LDB2: variants seen among roughly 807,000 people sequenced by gnomAD.
LDB2 encodes LIM domain binding 2, also known as LIM domain-binding protein 2.
Under a neutral mutation model 44.3 loss-of-function variants are expected in LDB2, and 12 were observed. The ratio of observed to expected loss-of-function variants is 0.27; its 90% CI spans 0.17 to 0.44. The LOEUF (loss-of-function observed/expected upper bound fraction) is 0.44. Among genes scored for constraint, LDB2 ranks in the 20% least tolerant of loss-of-function variants. LDB2 has a pLI of 1.00. For missense variants in LDB2, 344 were observed against 473.5 expected (o/e 0.73, Z 2.54); for synonymous variants, 164 against 174.8 (o/e 0.94, Z 0.49).
chr4:16,606,519 A>C (rs910536938), intron 2 of LDB2, among the ~76,000 whole-genome samples: 2 of 152,236 alleles, frequency 1.3e-5, no homozygotes, highest in Non-Finnish European at 2.9e-5. Context: ...CATTTAGATC[A>C]TAAAGCATGT....
chr4:16,836,344 G>C (rs1784881344), intron 1 of LDB2, among the ~76,000 whole-genome samples: 1 of 152,184 alleles, frequency 6.6e-6, no homozygotes, highest in Non-Finnish European at 1.5e-5. Flanking sequence ...TGGATAATGG[G>C]AGAACAAACT....
intron 5 of LDB2, among the ~76,000 whole-genome samples, chr4:16,571,353 G>A (rs1372701644): frequency 6.6e-6 from 1 of 152,040 alleles, no homozygotes; most frequent in African/African-American, 2.4e-5. Context: ...AGGGATGGGA[G>A]TTATCGTGGA....
chr4:16,649,264 CA>C (rs1737610456), intron 2 of LDB2, among the ~76,000 whole-genome samples: 2 of 152,260 alleles, frequency 1.3e-5, no homozygotes, highest in South Asian at 4.1e-4. Context: ...GAAATGCTTC[CA>C]TTTCTCATGA....
At position 16,858,079 on chromosome 4, in the gene LDB2, G is replaced by A. The variant is rs569652431; in HGVS notation, c.132+40275C>T. 5.3e-4 allele frequency among the ~76,000 whole-genome samples: 80 copies of A among 152,242 alleles called. 1 individual carries two copies. The highest frequency in any genetic ancestry group is 1.8e-3 in the African/African-American group (74 of 41,546). On this transcript the variant is annotated intron_variant, in intron 1 of 7. Coordinates refer to ENST00000304523, the MANE Select transcript of LDB2 (RefSeq NM_001290.5). ...CTGATTATTTGATTATTAAAATACA[G>A]CAAGTAATGCCTGCTATATTGCTAA... is the stretch of plus-strand genomic sequence containing the variant.
intron 2 of LDB2, among the ~76,000 whole-genome samples, chr4:16,702,645 A>G (rs1753708952): frequency 6.6e-6 from 1 of 152,108 alleles, no homozygotes; most frequent in Non-Finnish European, 1.5e-5. Flanking sequence ...TATTTACTTC[A>G]TTCAGGGAAG....
intron 2 of LDB2, among the ~76,000 whole-genome samples, chr4:16,688,316 T>A: frequency 6.6e-6 from 1 of 152,174 alleles, no homozygotes; most frequent in Non-Finnish European, 1.5e-5. Flanking sequence ...GGATCCTTCA[T>A]CCCATCAAAT....
At chr4:16,719,682 G>A (rs1321959640) in intron 2 of LDB2, among the ~76,000 whole-genome samples, 1 of 152,100 alleles carries the variant, frequency 6.6e-6, no homozygotes, top group Non-Finnish European at 1.5e-5. Context: ...AGTGTTGAGA[G>A]GGTGCAGCTC....
chr4:16,697,955 T>TA (rs2152624120), intron 2 of LDB2, among the ~76,000 whole-genome samples: 1 of 152,374 alleles, frequency 6.6e-6, no homozygotes, highest in African/African-American at 2.4e-5. Context: ...TGGAACGTTG[T>TA]AGGCATTGGA....
At chr4:16,739,706 G>A (rs56291718) in intron 2 of LDB2, among the ~76,000 whole-genome samples, 485 of 46,042 alleles carry the variant, frequency 0.011, 103 homozygotes, top group African/African-American at 0.031. Context: ...ACATATATGT[G>A]TATATATGTA....
rs1338636053 is a variant in LDB2 at position 16,582,109 on chromosome 4, C to G, written c.615+3813G>C. 6.6e-6 allele frequency among the ~76,000 whole-genome samples: 1 copy of G among 151,998 alleles called. No homozygotes were observed. The highest frequency in any genetic ancestry group is 6.6e-5 in the Admixed American group (1 of 15,264). On this transcript the variant is annotated intron_variant, in intron 5 of 7. Transcript: ENST00000304523. This position sits in a 1 kb window ranked among gnomAD's most constrained non-coding sequence, Gnocchi z 4.8. ...GCAATGCCTGGCACATAGTAAGTGC[C>G]CCAGAAATGTTAGCTAGTGCTATGT... is the stretch of plus-strand genomic sequence containing the variant.
At chr4:16,862,771 G>A (rs1013792071) in intron 1 of LDB2, among the ~76,000 whole-genome samples, 2 of 151,916 alleles carry the variant, frequency 1.3e-5, no homozygotes, top group Non-Finnish European at 1.5e-5. Flanking sequence ...AGTTTCCCAC[G>A]GGAATATAAG....
At chr4:16,785,860 C>A (rs930211016) in intron 1 of LDB2, among the ~76,000 whole-genome samples, 3 of 152,084 alleles carry the variant, frequency 2.0e-5, no homozygotes, top group African/African-American at 4.8e-5. Context: ...TTTTGCTTAT[C>A]CAGAAAGGTT....
intron 7 of LDB2, among the ~76,000 whole-genome samples, chr4:16,505,283 G>T (rs1043919222): frequency 6.6e-6 from 1 of 152,054 alleles, no homozygotes; most frequent in African/African-American, 2.4e-5. Context: ...TCAAAGGGAT[G>T]CCACATATGT....
In LDB2 at chr4:16,739,640, ATATACATATGTGTG is replaced by A. The variant is rs1561055078; in HGVS notation, c.235+19504_235+19517del. On this transcript the variant is annotated intron_variant, in intron 2 of 7. Transcript: ENST00000304523. ...TATACATGTGTGTGTATATATGTATATATACATATGTGTGTATATATGTATATATACATATGTGT... is the reference window on the plus strand; with the variant it reads ...TATACATGTGTGTGTATATATGTATATATATATGTATATATACATATGTGT... 1.4e-3 allele frequency among the ~76,000 whole-genome samples: 122 copies of A among 88,882 alleles called. 33 individuals are homozygous for A. The highest frequency in any genetic ancestry group is 2.3e-3 in the Non-Finnish European group (106 of 45,480). The allele number at this position is 88,882 out of a possible 152,430, so 58.3% of individuals were successfully genotyped here.
intron 5 of LDB2, among the ~76,000 whole-genome samples, chr4:16,524,621 G>A (rs1002414591): frequency 3.9e-5 from 6 of 152,170 alleles, no homozygotes; most frequent in African/African-American, 9.7e-5. Flanking sequence ...CCATAGAGGA[G>A]CTGAGAGGCA....
chr4:16,828,250 C>A (rs1783419262), intron 1 of LDB2, among the ~76,000 whole-genome samples: 1 of 152,234 alleles, frequency 6.6e-6, no homozygotes, highest in African/African-American at 2.4e-5. Context: ...CTCGCCTCCA[C>A]CTGGTGCCCA....
intron 2 of LDB2, among the ~76,000 whole-genome samples, chr4:16,596,656 G>A (rs1368537449): frequency 6.6e-6 from 1 of 152,184 alleles, no homozygotes; most frequent in African/African-American, 2.4e-5. Context: ...TTGGAGCTGT[G>A]TAAGATCTCT....
At chr4:16,560,625 T>G (rs1284631333) in intron 5 of LDB2, among the ~76,000 whole-genome samples, 2 of 152,216 alleles carry the variant, frequency 1.3e-5, no homozygotes, top group African/African-American at 2.4e-5. Flanking sequence ...CACAGCCGAA[T>G]TCTACCAGAG....
rs1195242119 is a variant in LDB2, at chr4:16,830,162, T to C, written c.132+68192A>G. On this transcript the variant is annotated intron_variant, in intron 1 of 7. Coordinates refer to ENST00000304523, the MANE Select transcript of LDB2 (RefSeq NM_001290.5). Reference sequence around the variant, plus strand: ...AGAAAAACACATACACATATTGATATGGTTTGGCTCTGTCTCCCCATCCAA... The same window carrying C: ...AGAAAAACACATACACATATTGATACGGTTTGGCTCTGTCTCCCCATCCAA... Among the ~76,000 whole-genome samples, 6 of 152,196 alleles carry C rather than the reference T, an allele frequency of 3.9e-5. No individual in the cohort carries two copies. In the East Asian group the frequency reaches 9.7e-4, roughly 25 times the overall value.
Sources: allele counts gnomAD v4.1 joint callset (sites outside exome capture counted in the v4.1 genomes callset), GRCh38; gene constraint gnomAD v4.1.1; non-coding constraint Gnocchi (gnomAD v3.1); transcripts MANE v1.5; gene names NCBI Gene and HGNC (gene_info 2026-07-23, HGNC 2026-07-21).